Variants in GPHN observed in about 807,000 individuals in gnomAD.
The protein encoded by GPHN is gephyrin.
In GPHN, 17 loss-of-function variants were observed where a neutral mutation model predicts 95.5. The ratio of observed to expected loss-of-function variants is 0.18; its 90% confidence interval spans 0.12 to 0.27. The LOEUF (loss-of-function observed/expected upper bound fraction) is 0.27, where lower values mean the gene tolerates loss of function less well. Among genes scored for constraint, GPHN ranks in the 10% least tolerant of loss-of-function variants. The pLI, the probability that GPHN is intolerant of heterozygous loss-of-function variation, is 1.00. For missense variants in GPHN, 660 were observed against 978.1 expected (o/e 0.67, Z 4.34); for synonymous variants, 320 against 322.5 (o/e 0.99, Z 0.08).
chr14:66,669,327 G>A (rs565778418), intron 1 of GPHN, among the ~76,000 whole-genome samples: 1 of 149,138 alleles, frequency 6.7e-6, no homozygotes, highest in Non-Finnish European at 1.5e-5. Context: ...TCGTGCCATT[G>A]CACTCCAGTC....
chr14:67,338,099 CCA>C, the GPHN span: 1 of 152,632 alleles, frequency 6.6e-6, no homozygotes, highest in East Asian at 1.9e-4. Flanking sequence ...ACTGTTTATA[CCA>C]CAGTCGCATT....
At chr14:67,375,913 A>T in the GPHN span, among the ~76,000 whole-genome samples, 1 of 152,206 alleles carries the variant, frequency 6.6e-6, no homozygotes, top group African/African-American at 2.4e-5. Flanking sequence ...TTAAAATGGA[A>T]GAGTTATTCA....
the GPHN span, among the ~76,000 whole-genome samples, chr14:67,635,506 T>C: frequency 6.6e-6 from 1 of 152,344 alleles, no homozygotes; most frequent in East Asian, 1.9e-4. Flanking sequence ...TTTAATAAGC[T>C]AGTATTTCAA....
chr14:67,179,469 A>G, intron 21 of GPHN, 109 bp from the exon 22 acceptor site: 3 of 725,208 alleles, frequency 4.1e-6, no homozygotes, highest in Non-Finnish European at 7.7e-6. Context: ...ACAGAATACC[A>G]AGGTTAGTCT....
At position 66,929,530 on chromosome 14, in the gene GPHN, C is replaced by A. The variant is rs550002832; in HGVS notation, c.828+5238C>A. On this transcript the variant is annotated intron_variant, in intron 8 of 22. Transcript: ENST00000478722. The stretch of plus-strand genomic sequence containing the variant: ...GCATATATGTTTACAATTGTCATAT[C>A]CTCTTGCTGAATTGATTCCTTTATC... Among the ~76,000 whole-genome samples, 13 of 152,140 alleles carry A rather than the reference C, an allele frequency of 8.5e-5. No homozygotes were observed. The South Asian group carries it at 2.5e-3, about 29-fold the overall frequency.
the GPHN span, among the ~76,000 whole-genome samples, chr14:67,530,543 G>C: frequency 1.3e-5 from 2 of 152,224 alleles, no homozygotes; most frequent in East Asian, 1.9e-4. Context: ...GTAACTCCTA[G>C]AGTGGTTAGT....
At chr14:67,594,341 ACT>A in the GPHN span, among the ~76,000 whole-genome samples, 2 of 152,036 alleles carry the variant, frequency 1.3e-5, no homozygotes, top group Non-Finnish European at 2.9e-5. Context: ...AGCATAAGAC[ACT>A]GTCTCTAAAA....
intron 1 of GPHN, among the ~76,000 whole-genome samples, chr14:66,528,963 G>T (rs2058803112): frequency 6.6e-6 from 1 of 152,244 alleles, no homozygotes; most frequent in African/African-American, 2.4e-5. Context: ...TTCTCAAGTA[G>T]TATCTTTGTG....
intron 1 of GPHN, among the ~76,000 whole-genome samples, chr14:66,511,254 C>T (rs2058030971): frequency 6.6e-6 from 1 of 151,990 alleles, no homozygotes; most frequent in Admixed American, 6.5e-5. Context: ...TATTCTAGAA[C>T]TTGAGGTTTT....
chr14:67,261,210 A>G, the GPHN span, among the ~76,000 whole-genome samples: 1 of 152,198 alleles, frequency 6.6e-6, no homozygotes, highest in African/African-American at 2.4e-5. Context: ...TTGTGGTGGT[A>G]GGAGTGCTTC....
chr14:67,253,597 C>T, the GPHN span, among the ~76,000 whole-genome samples: 1 of 152,128 alleles, frequency 6.6e-6, no homozygotes. Flanking sequence ...GTAATCCCAG[C>T]ACTTTGGGAG....
chr14:67,338,767 A>C, the GPHN span: 3 of 1,609,452 alleles, frequency 1.9e-6, no homozygotes, highest in African/African-American at 2.7e-5. Flanking sequence ...TTTAACCTGT[A>C]AAATACAGGT....
At chr14:67,260,661 C>T in the GPHN span, among the ~76,000 whole-genome samples, 1 of 151,992 alleles carries the variant, frequency 6.6e-6, no homozygotes, top group East Asian at 1.9e-4. Context: ...AGGATTTTTT[C>T]TTGGTATAAG....
At chr14:67,590,452 G>A in the GPHN span, among the ~76,000 whole-genome samples, 1 of 151,922 alleles carries the variant, frequency 6.6e-6, no homozygotes, top group African/African-American at 2.4e-5. Context: ...TCTGCATCCC[G>A]GGTTCAAATG....
chr14:67,192,021 G>A, the GPHN span, among the ~76,000 whole-genome samples: 22,647 of 152,138 alleles, frequency 0.15, 2,812 homozygotes, highest in African/African-American at 0.34. Context: ...AGAAGTAACA[G>A]AGACCGCAAG....
intron 9 of GPHN, among the ~76,000 whole-genome samples, chr14:67,016,023 A>G (rs2073289640): frequency 6.6e-6 from 1 of 152,102 alleles, no homozygotes; most frequent in South Asian, 2.1e-4. Flanking sequence ...TGTTTAATTC[A>G]GTGACCAATT....
chr14:66,724,390 T>G (rs1214735181), intron 2 of GPHN, among the ~76,000 whole-genome samples: 1 of 152,144 alleles, frequency 6.6e-6, no homozygotes, highest in African/African-American at 2.4e-5. Flanking sequence ...AGCTGTTCAG[T>G]TTTCTCCAAA....
At chr14:66,743,129 C>G (rs2072937269) in intron 2 of GPHN, among the ~76,000 whole-genome samples, 1 of 151,972 alleles carries the variant, frequency 6.6e-6, no homozygotes, top group Non-Finnish European at 1.5e-5. Context: ...TGGGAAAATA[C>G]TCCAGGGTGA....
At chr14:67,055,425 G>A (rs1425940248) in intron 10 of GPHN, among the ~76,000 whole-genome samples, 1 of 152,194 alleles carries the variant, frequency 6.6e-6, no homozygotes, top group Non-Finnish European at 1.5e-5. Flanking sequence ...ACAGATGCTG[G>A]CAAGGCTGTG....
Sources: gnomAD v4.1 joint callset for allele counts (sites outside exome capture counted in the v4.1 genomes callset) on GRCh38, gnomAD v4.1.1 for gene constraint, MANE v1.5 for transcripts, NCBI Gene and HGNC (gene_info 2026-07-23, HGNC 2026-07-21) for gene names.